The following INPP4A variants were observed in gnomAD, a reference collection of about 807,000 sequenced individuals.
INPP4A encodes inositol polyphosphate-4-phosphatase, type I, 107kD.
In INPP4A, 33 loss-of-function variants were observed where a neutral mutation model predicts 119.8. That is an observed-to-expected ratio of 0.28 (90% CI 0.21 to 0.37). The LOEUF (loss-of-function observed/expected upper bound fraction) is 0.37. INPP4A is among the 10% of genes least tolerant of loss of function. The pLI, the probability that INPP4A is intolerant of heterozygous loss-of-function variation, is 1.00. For synonymous variants in INPP4A, 496 were observed against 500.7 expected, an observed-to-expected ratio of 0.99 and a Z score of 0.12; for missense variants, 956 against 1,289.9, an observed-to-expected ratio of 0.74 and a Z score of 3.97.
chr2:98,493,312 G>T (rs914109512), intron 1 of INPP4A, among the ~76,000 whole-genome samples: 1 of 151,970 alleles, frequency 6.6e-6, no homozygotes, highest in Non-Finnish European at 1.5e-5. Context: ...TGCCTACCCC[G>T]ACTTCCTGGT....
intron 1 of INPP4A, among the ~76,000 whole-genome samples, chr2:98,478,092 C>G (rs897778458): frequency 6.6e-6 from 1 of 152,248 alleles, no homozygotes; most frequent in African/African-American, 2.4e-5. Flanking sequence ...TGCCTCTGAT[C>G]TCCCTAAAAT....
chr2:98,517,590 A>G (rs929266354), intron 1 of INPP4A, among the ~76,000 whole-genome samples: 1 of 152,148 alleles, frequency 6.6e-6, no homozygotes, highest in Non-Finnish European at 1.5e-5. Context: ...CATTTCCCTG[A>G]TGACTAATGG....
At position 98,572,846 on chromosome 2, in the gene INPP4A, G is replaced by T; in HGVS notation, c.2550G>T (p.Leu850=). 6.4e-7 allele frequency: 1 copy of T among 1,571,528 alleles called. No individual in the cohort carries two copies. Among genetic ancestry groups the T allele is most frequent in the South Asian group, 1.2e-5 (1 of 84,988 alleles). The part of the protein sequence containing the change: ...CLPRSRSQTC[L]PELLRFLGQN... ...CTCGGTCTCGCAGTCAGACGTGCCT[G>T]CCAGAGCTGCTGCGGTTTCTGGGTC... Residue 850 remains leucine (L), a synonymous_variant, in exon 23 of 25, where the codon CTG becomes CTT. Coordinates refer to ENST00000409851, the MANE Select transcript of INPP4A (RefSeq NM_001134225.2).
chr2:98,483,379 C>T (rs1678874174), intron 1 of INPP4A, among the ~76,000 whole-genome samples: 1 of 152,188 alleles, frequency 6.6e-6, no homozygotes. Context: ...TGCTTGTGGT[C>T]AGAAACAGGT....
At position 98,566,253 on chromosome 2, in the gene INPP4A, A is replaced by C; in HGVS notation, c.2420+84A>C. ...ACGTACTTACCCCTCTTCAGGCTCT[A>C]AGTGCTGGACAGACTTTGTCATCCT... On this transcript the variant is annotated intron_variant, in intron 21 of 24. Coordinates refer to ENST00000409851, the MANE Select transcript of INPP4A (RefSeq NM_001134225.2). This position sits in a 1 kb window ranked among gnomAD's most constrained non-coding sequence, Gnocchi z 4.2. 1 of 1,374,374 alleles carries C rather than the reference A, an allele frequency of 7.3e-7. No individual in the cohort carries two copies. Among genetic ancestry groups the C allele is most frequent in the Non-Finnish European group, 9.7e-7 (1 of 1,028,006 alleles). 85.1% of individuals were successfully genotyped at this position (1,374,374 alleles called of 1,614,324 possible).
intron 1 of INPP4A, among the ~76,000 whole-genome samples, chr2:98,451,300 G>A (rs1019915610): frequency 1.3e-5 from 2 of 152,176 alleles, no homozygotes; most frequent in African/African-American, 2.4e-5. Flanking sequence ...GTTCAGTGAG[G>A]CTCACCTGGC....
intron 10 of INPP4A, 49 bp downstream of exon 10, chr2:98,539,724 C>T: frequency 1.3e-6 from 2 of 1,552,584 alleles, no homozygotes; most frequent in Non-Finnish European, 8.7e-7. Context: ...ATGTCATGTG[C>T]CCCTTCCTTT....
chr2:98,492,891 G>A (rs1260056435), intron 1 of INPP4A, among the ~76,000 whole-genome samples: 1 of 152,166 alleles, frequency 6.6e-6, no homozygotes, highest in Admixed American at 6.5e-5. Context: ...AGGAGCCTGG[G>A]GCTGGAGGGG....
At chr2:98,581,745 C>T (rs778999127) in intron 24 of INPP4A, 4 of 1,606,958 alleles carry the variant, frequency 2.5e-6, no homozygotes, top group East Asian at 2.2e-5. Context: ...GACCAAATTG[C>T]GTTGCAAATG....
chr2:98,550,008 G>A (rs1314168887), intron 13 of INPP4A, among the ~76,000 whole-genome samples: 5 of 152,080 alleles, frequency 3.3e-5, no homozygotes, highest in Admixed American at 6.5e-5. Flanking sequence ...TGAGTCTAGC[G>A]GGGCAGAGGA....
chr2:98,549,049 C>A, intron 13 of INPP4A: 1 of 1,330,644 alleles, frequency 7.5e-7, no homozygotes, highest in Non-Finnish European at 1.1e-6. Context: ...CCCCACACCT[C>A]CTCCTGTGGG....
chr2:98,475,255 G>C (rs1036054093), intron 1 of INPP4A, among the ~76,000 whole-genome samples: 2 of 152,120 alleles, frequency 1.3e-5, no homozygotes, highest in Non-Finnish European at 1.5e-5. Flanking sequence ...GGGAGACAGA[G>C]GAGGGCCAGG....
At position 98,572,783 on chromosome 2, in the gene INPP4A, AC is replaced by A. The variant is rs376900905; in HGVS notation, c.2519-29del. On this transcript the variant is annotated intron_variant, in intron 22 of 24. Transcript: ENST00000409851. Reference sequence around the variant, plus strand: ...TGCCGGGGGAGTTCCTGGGTGCGTCACCCACTCCCACGAACTCCTTTTCTCT... The same window carrying A: ...TGCCGGGGGAGTTCCTGGGTGCGTCACCACTCCCACGAACTCCTTTTCTCT... 1.0e-5 allele frequency: 15 copies of A among 1,484,126 alleles called. No individual in the cohort carries two copies. The African/African-American group carries it at 1.4e-4, about 14-fold the overall frequency. The allele number at this position is 1,484,126 out of a possible 1,614,324, so 91.9% of individuals were successfully genotyped here.
intron 4 of INPP4A, among the ~76,000 whole-genome samples, chr2:98,530,694 A>T (rs552334449): frequency 6.6e-6 from 1 of 152,362 alleles, no homozygotes; most frequent in South Asian, 2.1e-4. Context: ...TGTTCAGCAT[A>T]AAATCATGAA....
chr2:98,461,263 A>G (rs913771160), intron 1 of INPP4A, among the ~76,000 whole-genome samples: 1 of 152,244 alleles, frequency 6.6e-6, no homozygotes, highest in African/African-American at 2.4e-5. Context: ...TGATGTAGTG[A>G]CATGGCAGAG....
Position 98,570,485 on chromosome 2 carries a change from G to T in INPP4A, c.2518+1817G>T, listed in dbSNP as rs1389831500. Among the ~76,000 whole-genome samples the T allele has an allele frequency of 6.6e-6, 1 of 152,200 alleles. No individual in the cohort carries two copies. The highest frequency in any genetic ancestry group is 1.5e-5 in the Non-Finnish European group (1 of 68,034). On this transcript the variant is annotated intron_variant, in intron 22 of 24. Coordinates refer to ENST00000409851, the MANE Select transcript of INPP4A (RefSeq NM_001134225.2). The surrounding 1 kb of genome is among the most constrained non-coding windows in gnomAD (Gnocchi z 4.3). Reference sequence around the variant, plus strand: ...CCCATACAGTCTCACTGTGGTGAGGGCTGGGCCAGGGATCAAGGGGTGATG... The same window carrying T: ...CCCATACAGTCTCACTGTGGTGAGGTCTGGGCCAGGGATCAAGGGGTGATG...
At chr2:98,532,387 TTTTTC>T (rs1689401219) in intron 4 of INPP4A, among the ~76,000 whole-genome samples, 1 of 152,022 alleles carries the variant, frequency 6.6e-6, no homozygotes, top group African/African-American at 2.4e-5. Flanking sequence ...AGTTAATACT[TTTTTC>T]TATTTTATTT....
At chr2:98,543,097 T>C (rs891134116) in intron 10 of INPP4A, among the ~76,000 whole-genome samples, 5 of 152,060 alleles carry the variant, frequency 3.3e-5, no homozygotes, top group African/African-American at 1.2e-4. Context: ...TTTTTTGTAT[T>C]TTTTAGTAGA....
At chr2:98,579,128 C>G (rs921051015) in intron 24 of INPP4A, among the ~76,000 whole-genome samples, 5 of 151,740 alleles carry the variant, frequency 3.3e-5, no homozygotes, top group African/African-American at 4.8e-5. Flanking sequence ...TCTTGGCTCA[C>G]TGCATCCTCC....
Sources: allele counts gnomAD v4.1 joint callset (sites outside exome capture counted in the v4.1 genomes callset), GRCh38; gene constraint gnomAD v4.1.1; non-coding constraint Gnocchi (gnomAD v3.1); transcripts MANE v1.5; gene names NCBI Gene and HGNC (gene_info 2026-07-23, HGNC 2026-07-21).